TNIK: variants seen among roughly 807,000 people sequenced by gnomAD.
TNIK encodes the protein TRAF2 and NCK-interacting protein kinase.
Under a neutral mutation model 191.3 loss-of-function variants are expected in TNIK, and 49 were observed. That is an observed-to-expected ratio of 0.26 (90% CI 0.20 to 0.32). The LOEUF (loss-of-function observed/expected upper bound fraction) is 0.32, where lower values mean the gene tolerates loss of function less well. Among genes scored for constraint, TNIK ranks in the 10% least tolerant of loss-of-function variants. The pLI is 1.00. For synonymous variants in TNIK, 594 were observed against 600.9 expected (o/e 0.99, Z 0.17); for missense variants, 1,155 against 1,702.3 (o/e 0.68, Z 5.66).
chr3:171,303,237 T>A (rs1753070415), intron 2 of TNIK, among the ~76,000 whole-genome samples: 1 of 152,048 alleles, frequency 6.6e-6, no homozygotes, highest in Non-Finnish European at 1.5e-5. Flanking sequence ...GAAAAAAAAA[T>A]TTAAGTTGGA....
intron 12 of TNIK, among the ~76,000 whole-genome samples, chr3:171,154,938 T>C (rs533377583): frequency 6.6e-6 from 1 of 152,316 alleles, no homozygotes; most frequent in South Asian, 2.1e-4. Context: ...CTTCTAAGAA[T>C]ATACAGACAC....
chr3:171,142,927 C>T, intron 12 of TNIK, among the ~76,000 whole-genome samples: 1 of 152,142 alleles, frequency 6.6e-6, no homozygotes. Flanking sequence ...GTTAGCTGAT[C>T]TTTATGTGAA....
At chr3:171,258,768 C>T (rs1312294173) in intron 2 of TNIK, among the ~76,000 whole-genome samples, 1 of 152,114 alleles carries the variant, frequency 6.6e-6, no homozygotes, top group Non-Finnish European at 1.5e-5. Flanking sequence ...TTCACTTGAC[C>T]CTCTAAGAAA....
chr3:171,275,516 T>C (rs1749623723), intron 2 of TNIK, among the ~76,000 whole-genome samples: 1 of 152,026 alleles, frequency 6.6e-6, no homozygotes, highest in Admixed American at 6.5e-5. Flanking sequence ...TAATAGAAAA[T>C]TATTTTTAAA....
chr3:171,421,611 C>T (rs1031024447), intron 1 of TNIK, among the ~76,000 whole-genome samples: 5 of 151,976 alleles, frequency 3.3e-5, no homozygotes, highest in African/African-American at 1.2e-4. Flanking sequence ...CAGCTGTACT[C>T]CAACCATAAG....
intron 2 of TNIK, among the ~76,000 whole-genome samples, chr3:171,297,435 G>T (rs190724855): frequency 6.6e-6 from 1 of 152,208 alleles, no homozygotes; most frequent in Non-Finnish European, 1.5e-5. Context: ...AGAAACTGCT[G>T]GTTTCCCTCA....
chr3:171,168,593 C>T (rs73171504), intron 9 of TNIK, among the ~76,000 whole-genome samples: 10,778 of 151,356 alleles, frequency 0.071, 521 homozygotes, highest in African/African-American at 0.13. Flanking sequence ...TTTTTTTTTC[C>T]GCTCTAAATT....
chr3:171,346,959 C>A, intron 2 of TNIK: 1 of 544,848 alleles, frequency 1.8e-6, no homozygotes, highest in South Asian at 3.1e-5. Context: ...TTTAATATGA[C>A]TTTACTGGCT....
At chr3:171,220,711 A>G (rs1334087762) in intron 3 of TNIK, among the ~76,000 whole-genome samples, 1 of 152,156 alleles carries the variant, frequency 6.6e-6, no homozygotes, top group African/African-American at 2.4e-5. Flanking sequence ...CCACCCCACT[A>G]GGGGGCTAAG....
At chr3:171,367,852 A>G (rs1038284158) in intron 2 of TNIK, among the ~76,000 whole-genome samples, 1 of 152,180 alleles carries the variant, frequency 6.6e-6, no homozygotes, top group Non-Finnish European at 1.5e-5. Context: ...TGGGGCTGGT[A>G]AAAGAGAGCA....
At chr3:171,220,060 C>A (rs924640988) in intron 3 of TNIK, among the ~76,000 whole-genome samples, 1 of 152,150 alleles carries the variant, frequency 6.6e-6, no homozygotes, top group Non-Finnish European at 1.5e-5. Flanking sequence ...TGCTACACAG[C>A]CATAAGAAAG....
chr3:171,160,669 C>G (rs1199837933), intron 11 of TNIK, among the ~76,000 whole-genome samples: 1 of 152,018 alleles, frequency 6.6e-6, no homozygotes, highest in Non-Finnish European at 1.5e-5. Flanking sequence ...GAATCAAAGT[C>G]AAGTGGAATT....
chr3:171,444,111 T>C (rs183141820), intron 1 of TNIK, among the ~76,000 whole-genome samples: 267 of 152,374 alleles, frequency 1.8e-3, no homozygotes, highest in African/African-American at 6.2e-3. Context: ...ATCAGTTGTA[T>C]ATAAAGTTGC....
At chr3:171,349,995 C>T (rs1377485680) in intron 2 of TNIK, among the ~76,000 whole-genome samples, 1 of 151,882 alleles carries the variant, frequency 6.6e-6, no homozygotes, top group Non-Finnish European at 1.5e-5. Flanking sequence ...ATGGGCTACC[C>T]AAAGGAAAAT....
At chr3:171,140,332 A>G (rs902259232) in intron 13 of TNIK, 67 bp downstream of exon 13, 16 of 1,321,862 alleles carry the variant, frequency 1.2e-5, no homozygotes, top group Non-Finnish European at 1.5e-5. Flanking sequence ...GGTGACCCAC[A>G]CCCCAGAGAA....
intron 1 of TNIK, among the ~76,000 whole-genome samples, chr3:171,418,754 C>T (rs1723389813): frequency 6.6e-6 from 1 of 152,038 alleles, no homozygotes; most frequent in Non-Finnish European, 1.5e-5. Flanking sequence ...TTGGTATATC[C>T]ATACAATGGT....
At chr3:171,379,346 G>A (rs970982513) in intron 1 of TNIK, among the ~76,000 whole-genome samples, 22 of 152,210 alleles carry the variant, frequency 1.4e-4, no homozygotes, top group African/African-American at 4.6e-4. Flanking sequence ...AAACTAAAAA[G>A]AGAACAATCC....
chr3:171,459,131 G>A (rs1343736235), intron 1 of TNIK, among the ~76,000 whole-genome samples: 2 of 151,974 alleles, frequency 1.3e-5, no homozygotes, highest in African/African-American at 2.4e-5. Context: ...GGCGTCTGAG[G>A]TAATTCACGT....
intron 12 of TNIK, among the ~76,000 whole-genome samples, chr3:171,146,306 T>C (rs1192513428): frequency 1.3e-5 from 2 of 152,240 alleles, no homozygotes; most frequent in Admixed American, 6.5e-5. Context: ...TTAAGCCACC[T>C]TAACTCCTCC....
Sources: allele counts gnomAD v4.1 joint callset (sites outside exome capture counted in the v4.1 genomes callset), GRCh38; gene constraint gnomAD v4.1.1; transcripts MANE v1.5; gene names NCBI Gene and HGNC (gene_info 2026-07-23, HGNC 2026-07-21).